The following MAN2C1 variants were observed in gnomAD, a reference collection of about 807,000 sequenced individuals.
MAN2C1 encodes mannosidase alpha class 2C member 1, also known as alpha-mannosidase 2C1.
MAN2C1 carries 111 observed loss-of-function variants against 126.9 expected under a neutral mutation model. That is an observed-to-expected ratio of 0.87 (90% confidence interval 0.75 to 1.02). The LOEUF (loss-of-function observed/expected upper bound fraction) is 1.02. Among genes scored for constraint, MAN2C1 ranks in the 50% least tolerant of loss-of-function variants. The probability of loss-of-function intolerance (pLI) is 0.00; values close to 1 mark genes in which losing one functional copy is unlikely to be tolerated. For synonymous variants in MAN2C1, 567 were observed against 561.5 expected (o/e 1.01, Z -0.14); for missense variants, 1,363 against 1,364.4 (o/e 1.00, Z 0.02).
chr15:75,361,237 C>T lies in MAN2C1; in HGVS notation c.1315-46G>A. On this transcript the variant is annotated intron_variant, in intron 11 of 25. Coordinates refer to ENST00000267978, the MANE Select transcript of MAN2C1 (RefSeq NM_006715.4). The surrounding 1 kb of genome is among the most constrained non-coding windows in gnomAD (Gnocchi z 5.0). ...CAGCATGGATCAGCCTGGAACAAGCCAGCCCTCTCCAGCCTGCCCCTACCC... is the reference window on the plus strand; with the variant it reads ...CAGCATGGATCAGCCTGGAACAAGCTAGCCCTCTCCAGCCTGCCCCTACCC... 2.5e-6 allele frequency: 4 copies of T among 1,590,746 alleles called. No homozygotes were observed. The highest frequency in any genetic ancestry group is 2.6e-6 in the Non-Finnish European group (3 of 1,169,262).
At chr15:75,359,596 G>A in intron 16 of MAN2C1, 24 bp downstream of exon 16, 2 of 1,611,596 alleles carry the variant, frequency 1.2e-6, no homozygotes, top group Non-Finnish European at 1.7e-6. Context: ...TGCTGCAGTA[G>A]CAACCCTTCC....
In MAN2C1 at chr15:75,362,138, G is replaced by A. The variant is rs990867186; in HGVS notation, c.1009-191C>T. On this transcript the variant is annotated intron_variant, in intron 8 of 25. Coordinates refer to ENST00000267978, the MANE Select transcript of MAN2C1 (RefSeq NM_006715.4). The surrounding 1 kb of genome is among the most constrained non-coding windows in gnomAD (Gnocchi z 4.5). ...TGCCTGAGGGGGTGCCCAGGACTAG[G>A]CCATGCAACTTGTCACAGCGCTGGA... The A allele has an allele frequency of 3.0e-6, 2 of 659,508 alleles. No individual in the cohort carries two copies. Among genetic ancestry groups the A allele is most frequent in the Non-Finnish European group, 2.6e-6 (1 of 378,240 alleles). 40.9% of individuals were successfully genotyped at this position (659,508 alleles called of 1,614,324 possible).
intron 4 of MAN2C1, chr15:75,365,859 C>A: frequency 8.5e-6 from 3 of 350,960 alleles, no homozygotes; most frequent in Admixed American, 3.9e-5. Flanking sequence ...CTGAGAGGGG[C>A]GGATAACCTG....
intron 5 of MAN2C1, 132 bp from the exon 6 acceptor site, chr15:75,364,320 C>T (rs2072533718): frequency 8.0e-7 from 1 of 1,250,934 alleles, no homozygotes; most frequent in South Asian, 1.6e-5. Flanking sequence ...CCCTGCTCAG[C>T]ACCGTCTCCC....
Position 75,358,277 on chromosome 15 carries a change from G to T in MAN2C1, c.2471C>A (p.Ala824Asp), listed in dbSNP as rs764815723. The T allele has an allele frequency of 2.5e-6, 4 of 1,614,046 alleles. No homozygotes were observed. The African/African-American group carries it at 4.0e-5, about 16-fold the overall frequency. The change falls in exon 21 of 26, where the codon GCC becomes GAC. Residue 824 changes from alanine (A) to aspartate (D), a missense_variant. Around this residue, in one of 3 missense-constraint regions of MAN2C1, gnomAD observed 668 missense variants for 650.1 expected, o/e 1.03. Transcript: ENST00000267978. ...EFPARVRSSQ[A>D]TYEIQFGHLQ... ...GTGCCCAAACTGGATCTCATAGGTGGCCTGGGAACTCCGCACGCGAGCAGG... is the reference window on the plus strand; with the variant it reads ...GTGCCCAAACTGGATCTCATAGGTGTCCTGGGAACTCCGCACGCGAGCAGG...
chr15:75,363,999 C>T lies in MAN2C1; in HGVS notation c.790G>A (p.Ala264Thr). Reference sequence around the variant, plus strand: ...CCAGCCCAACCAGCTGCTGTCCTACCTGTATCAATGTGGCAGTGCCCTGTG... The same window carrying T: ...CCAGCCCAACCAGCTGCTGTCCTACTTGTATCAATGTGGCAGTGCCCTGTG... ...HATGHCHIDT[A>T]WLWPFKETVR... The change falls in exon 6 of 26, where the codon GCC becomes ACC. Residue 264 changes from alanine to threonine, a missense_variant and splice_region_variant. Physicochemically the swap from Ala to Thr is moderately conservative, Grantham distance 58. Coordinates refer to ENST00000267978, the MANE Select transcript of MAN2C1 (RefSeq NM_006715.4). The T allele has an allele frequency of 6.2e-7, 1 of 1,614,034 alleles. No homozygotes were observed. The highest frequency in any genetic ancestry group is 8.5e-7 in the Non-Finnish European group (1 of 1,179,972).
chr15:75,367,787 G>T, intron 2 of MAN2C1, 153 bp from the exon 3 acceptor site: 1 of 1,025,704 alleles, frequency 9.7e-7, no homozygotes, highest in Non-Finnish European at 1.4e-6. Context: ...GCAACAAGGT[G>T]AGAAGCAAGA....
rs1317761186 is a variant in MAN2C1, at chr15:75,362,404, C to T, written c.947G>A (p.Arg316His). The T allele has an allele frequency of 1.9e-6, 3 of 1,613,822 alleles. No homozygotes were observed. The highest frequency in any genetic ancestry group is 2.5e-6 in the Non-Finnish European group (3 of 1,180,002). Residue 316 changes from arginine (R) to histidine (H), a missense_variant, in exon 8 of 26, where the codon CGC (arginine) becomes CAC (histidine). Transcript: ENST00000267978. The surrounding 1 kb of genome is among the most constrained non-coding windows in gnomAD (Gnocchi z 4.5). Reference sequence around the variant, plus strand: ...CCCACGGCACGCAAACTCCTGGATGCGGGAGTACAGGCCAGGGTAGCGGCT... The same window carrying T: ...CCCACGGCACGCAAACTCCTGGATGTGGGAGTACAGGCCAGGGTAGCGGCT... ...VKSRYPGLYS[R>H]IQEFACRGQF...
chr15:75,358,819 A>G lies in MAN2C1; in HGVS notation c.2142-11T>C. ...TCAGCAATGGCCTCCCTGGAAGGACATGGGATTGGTGCTGTACAACCAACT... is the reference window on the plus strand; with the variant it reads ...TCAGCAATGGCCTCCCTGGAAGGACGTGGGATTGGTGCTGTACAACCAACT... On this transcript the variant is annotated splice_polypyrimidine_tract_variant and intron_variant, in intron 18 of 25. Transcript: ENST00000267978. The G allele has an allele frequency of 6.2e-7, 1 of 1,605,632 alleles. No individual in the cohort carries two copies. The highest frequency in any genetic ancestry group is 1.1e-5 in the South Asian group (1 of 90,482).
In MAN2C1 at chr15:75,367,637, G is replaced by A. The variant is rs754971806; in HGVS notation, c.228-3C>T. On this transcript the variant is annotated splice_region_variant and splice_polypyrimidine_tract_variant and intron_variant, in intron 2 of 25. Transcript: ENST00000267978. ...CCCGGAACCAGCAGGTCCACCATCT[G>A]CAAGAGAGCTGTTGTGATAGGCCTA... 24 of 1,614,026 alleles carry A rather than the reference G, an allele frequency of 1.5e-5. No individual in the cohort carries two copies. The African/African-American group carries it at 3.2e-4, about 22-fold the overall frequency.
chr15:75,367,432 C>G, intron 3 of MAN2C1, 79 bp downstream of exon 3: 1 of 1,540,018 alleles, frequency 6.5e-7, no homozygotes, highest in South Asian at 1.2e-5. Flanking sequence ...GTGGCTTCTC[C>G]AGAGTCCACA....
Position 75,361,084 on chromosome 15 carries a change from G to A in MAN2C1, c.1422C>T (p.Asp474=). ...GGGGPTQTML[D]RLKRLSNTDG... ...CCGTATTGCTCAGGCGCTTCAGGCG[G>A]TCCAGCATGGTCTGGGTGGGGCCAC... is the stretch of plus-strand genomic sequence containing the variant. The change falls in exon 12 of 26, where the codon GAC becomes GAT. Residue 474 remains aspartate (D), a synonymous_variant. Coordinates refer to ENST00000267978, the MANE Select transcript of MAN2C1 (RefSeq NM_006715.4). The surrounding 1 kb of genome is among the most constrained non-coding windows in gnomAD (Gnocchi z 5.0). 1 of 1,612,172 alleles carries A rather than the reference G, an allele frequency of 6.2e-7. No homozygotes were observed. Among genetic ancestry groups the A allele is most frequent in the Non-Finnish European group, 8.5e-7 (1 of 1,179,388 alleles).
intron 4 of MAN2C1, 133 bp from the exon 5 acceptor site, chr15:75,364,798 C>T: frequency 1.4e-6 from 1 of 693,028 alleles, no homozygotes; most frequent in Non-Finnish European, 2.3e-6. Context: ...CAGAGGATCC[C>T]ACAGTGTGAC....
rs2141328963 is a variant in MAN2C1, at chr15:75,359,166, A to C, written c.2047-13T>G. 6.2e-7 allele frequency: 1 copy of C among 1,613,674 alleles called. No individual in the cohort carries two copies. The highest frequency in any genetic ancestry group is 8.5e-7 in the Non-Finnish European group (1 of 1,179,996). Reference sequence around the variant, plus strand: ...CGGAGCCATCAGTCTTTGTGGGAGGAGGCCTTGAGGCTGAGTCTGTAGGGG... The same window carrying C: ...CGGAGCCATCAGTCTTTGTGGGAGGCGGCCTTGAGGCTGAGTCTGTAGGGG... On this transcript the variant is annotated splice_polypyrimidine_tract_variant and intron_variant, in intron 17 of 25. Transcript: ENST00000267978.
chr15:75,355,891 C>G lies in MAN2C1; in HGVS notation c.*15G>C. On this transcript the variant is annotated 3_prime_UTR_variant, in exon 26 of 26. Transcript: ENST00000267978. Reference sequence around the variant, plus strand: ...CCCCAGAGCCTTCTACAAACAAAACCCCAGCCCCAGGGACTCAGTGTGGCG... The same window carrying G: ...CCCCAGAGCCTTCTACAAACAAAACGCCAGCCCCAGGGACTCAGTGTGGCG... 1 of 1,614,074 alleles carries G rather than the reference C, an allele frequency of 6.2e-7. No individual in the cohort carries two copies. Among genetic ancestry groups the G allele is most frequent in the Middle Eastern group, 1.7e-4 (1 of 6,056 alleles).
rs574737475 is a variant in MAN2C1 at position 75,363,864 on chromosome 15, C to G, written c.790+135G>C. 36 of 954,972 alleles carry G rather than the reference C, an allele frequency of 3.8e-5. No homozygotes were observed. In the Middle Eastern group the frequency reaches 1.5e-3, roughly 39 times the overall value. 59.2% of individuals were successfully genotyped at this position (954,972 alleles called of 1,614,324 possible). On this transcript the variant is annotated intron_variant, in intron 6 of 25. Coordinates refer to ENST00000267978, the MANE Select transcript of MAN2C1 (RefSeq NM_006715.4). ...AGCCCACAGTCCAGCCCCCCGGCCC[C>G]GTTTTACAGACGGGGAAAACGCAGG...
chr15:75,368,469 A>T lies in MAN2C1; in HGVS notation c.101+14T>A, dbSNP rs1474455284. The stretch of plus-strand genomic sequence containing the variant: ...GGTTGCGGTCGGCCGGCTGCGGGGG[A>T]CCAGGGGCCACACCTGCCGCGGAGG... On this transcript the variant is annotated intron_variant, in intron 1 of 25. Coordinates refer to ENST00000267978, the MANE Select transcript of MAN2C1 (RefSeq NM_006715.4). The T allele has an allele frequency of 6.5e-7, 1 of 1,546,122 alleles. No homozygotes were observed. The highest frequency in any genetic ancestry group is 8.7e-7 in the Non-Finnish European group (1 of 1,144,036).
intron 12 of MAN2C1, 121 bp from the exon 13 acceptor site, chr15:75,360,809 C>A: frequency 7.3e-7 from 1 of 1,362,920 alleles, no homozygotes; most frequent in Non-Finnish European, 1.0e-6. Context: ...GCTCCCCGTT[C>A]ACAGATGGCC....
rs2072428811 is a variant in MAN2C1, at chr15:75,359,777, TG to T, written c.1793-3del. On this transcript the variant is annotated splice_polypyrimidine_tract_variant and splice_region_variant and intron_variant, in intron 15 of 25. Transcript: ENST00000267978. Reference sequence around the variant, plus strand: ...GTGTATTGCCATGGGAACGGATGTCTGAGGAAAGACTGGCTGGTCATAGGTG... The same window carrying T: ...GTGTATTGCCATGGGAACGGATGTCTAGGAAAGACTGGCTGGTCATAGGTG... The T allele has an allele frequency of 9.9e-6, 16 of 1,613,730 alleles. No individual in the cohort carries two copies. The highest frequency in any genetic ancestry group is 1.4e-5 in the Non-Finnish European group (16 of 1,179,958).
Sources: gnomAD v4.1 joint callset for allele counts on GRCh38, gnomAD v4.1.1 for gene constraint, gnomAD v4.1.1 regional missense constraint, Gnocchi (gnomAD v3.1) non-coding constraint, MANE v1.5 for transcripts, NCBI Gene and HGNC (gene_info 2026-07-23, HGNC 2026-07-21) for gene names.